Variants in NFIA observed in about 807,000 individuals in gnomAD.
NFIA encodes the protein nuclear factor 1 A-type.
Under a neutral mutation model 62.8 loss-of-function variants are expected in NFIA, and 8 were observed. The ratio of observed to expected loss-of-function variants is 0.13; its 90% confidence interval spans 0.07 to 0.23. The LOEUF (loss-of-function observed/expected upper bound fraction) is 0.23, where lower values mean the gene tolerates loss of function less well. NFIA is among the 10% of genes least tolerant of loss of function. NFIA has a pLI of 1.00. For missense variants in NFIA, 410 were observed against 642.1 expected (o/e 0.64, Z 3.91); for synonymous variants, 235 against 238.1 (o/e 0.99, Z 0.12).
At chr1:61,422,882 T>C (rs1321285703) in intron 9 of NFIA, among the ~76,000 whole-genome samples, 1 of 152,096 alleles carries the variant, frequency 6.6e-6, no homozygotes, top group Non-Finnish European at 1.5e-5. Flanking sequence ...TGTCAAACTA[T>C]TGTTCATAAA....
intron 3 of NFIA, among the ~76,000 whole-genome samples, chr1:61,308,587 A>G (rs986824300): frequency 2.6e-5 from 4 of 152,182 alleles, no homozygotes; most frequent in African/African-American, 9.7e-5. Flanking sequence ...TGGTACAGTG[A>G]GGATGGTGCC....
At chr1:61,294,849 G>A (rs1190577970) in intron 3 of NFIA, among the ~76,000 whole-genome samples, 4 of 152,182 alleles carry the variant, frequency 2.6e-5, no homozygotes, top group East Asian at 1.9e-4. Flanking sequence ...AGTGCTGTCC[G>A]TATTCAGTGG....
At chr1:61,346,861 A>T (rs1356075800) in intron 4 of NFIA, among the ~76,000 whole-genome samples, 1 of 152,152 alleles carries the variant, frequency 6.6e-6, no homozygotes, top group Non-Finnish European at 1.5e-5. Context: ...ACTTATAATC[A>T]TGGCAGAAGG....
At chr1:61,270,727 A>G (rs1004255571) in intron 2 of NFIA, among the ~76,000 whole-genome samples, 2 of 152,202 alleles carry the variant, frequency 1.3e-5, no homozygotes, top group African/African-American at 2.4e-5. Context: ...GGGGAAATTA[A>G]GCACAATTCT....
At chr1:61,080,830 A>G (rs1311141879), upstream of NFIA, among the ~76,000 whole-genome samples, 1 of 152,262 alleles carries the variant, frequency 6.6e-6, no homozygotes, top group East Asian at 1.9e-4. Context: ...TAAAGTAACT[A>G]AAGTACAAGC....
At chr1:61,207,015 T>G (rs1652940604) in intron 2 of NFIA, among the ~76,000 whole-genome samples, 1 of 152,152 alleles carries the variant, frequency 6.6e-6, no homozygotes, top group Non-Finnish European at 1.5e-5. Flanking sequence ...CAGATAGATG[T>G]CAACTCCATG....
intron 2 of NFIA, among the ~76,000 whole-genome samples, chr1:61,203,682 G>C (rs1321256302): frequency 6.6e-6 from 1 of 152,080 alleles, no homozygotes. Flanking sequence ...CGTTGTAGTT[G>C]TTTGTGTGTA....
intron 10 of NFIA, among the ~76,000 whole-genome samples, chr1:61,446,254 T>C (rs1169270271): frequency 1.3e-5 from 2 of 152,198 alleles, no homozygotes; most frequent in Non-Finnish European, 2.9e-5. Context: ...TGCCACAGTT[T>C]CCTTTGCATT....
intron 5 of NFIA, among the ~76,000 whole-genome samples, chr1:61,357,267 A>G (rs2100439273): frequency 6.6e-6 from 1 of 152,288 alleles, no homozygotes; most frequent in Non-Finnish European, 1.5e-5. Flanking sequence ...GAGCATACCA[A>G]TTAGAACAGA....
intron 2 of NFIA, among the ~76,000 whole-genome samples, chr1:61,104,329 T>A (rs1226317003): frequency 6.6e-6 from 1 of 152,024 alleles, no homozygotes; most frequent in Non-Finnish European, 1.5e-5. Context: ...TCAGGGTGTT[T>A]TTGGCATGGT....
At chr1:61,173,166 C>T (rs1650079537) in intron 2 of NFIA, among the ~76,000 whole-genome samples, 1 of 152,182 alleles carries the variant, frequency 6.6e-6, no homozygotes, top group Non-Finnish European at 1.5e-5. Flanking sequence ...TTTTGATACC[C>T]TTGGAAAGTT....
At chr1:61,219,572 G>A (rs1484576494) in intron 2 of NFIA, among the ~76,000 whole-genome samples, 1 of 151,918 alleles carries the variant, frequency 6.6e-6, no homozygotes, top group Non-Finnish European at 1.5e-5. Context: ...AAATTAGCCG[G>A]GCGTGGTGGC....
At chr1:61,452,932 C>G (rs1380284696) in intron 10 of NFIA, among the ~76,000 whole-genome samples, 1 of 151,580 alleles carries the variant, frequency 6.6e-6, no homozygotes, top group Non-Finnish European at 1.5e-5. Flanking sequence ...GTCAATAGGG[C>G]AAAAAGAAAA....
chr1:61,082,566 TA>T lies in NFIA; in HGVS notation c.-223del. On this transcript the variant is annotated 5_prime_UTR_variant, in exon 1 of 11. Transcript: ENST00000403491. ...AGTGTAGGGAAACTCTAGGCGGGGT[TA>T]AAGTTCAGCTCATGGAGCGGCAATA... 6.8e-7 allele frequency: 1 copy of T among 1,460,078 alleles called. No homozygotes were observed. Among genetic ancestry groups the T allele is most frequent in the East Asian group, 2.6e-5 (1 of 38,932 alleles). The allele number at this position is 1,460,078 out of a possible 1,614,324, so 90.4% of individuals were successfully genotyped here.
intron 7 of NFIA, among the ~76,000 whole-genome samples, chr1:61,399,050 T>C (rs1445222046): frequency 6.6e-6 from 1 of 152,226 alleles, no homozygotes; most frequent in Non-Finnish European, 1.5e-5. Context: ...AAATTTTTAC[T>C]TCTAATTATG....
At chr1:61,199,695 A>G (rs1393006274) in intron 2 of NFIA, among the ~76,000 whole-genome samples, 1 of 151,890 alleles carries the variant, frequency 6.6e-6, no homozygotes, top group Admixed American at 6.6e-5. Flanking sequence ...TTGGTGATGT[A>G]TTAAAAAAAG....
chr1:61,186,181 G>A (rs1651165379), intron 2 of NFIA, among the ~76,000 whole-genome samples: 1 of 151,916 alleles, frequency 6.6e-6, no homozygotes, highest in Non-Finnish European at 1.5e-5. Context: ...GAGCACACTG[G>A]TTGGGAGAAG....
chr1:61,450,847 A>G (rs1203269379), intron 10 of NFIA, among the ~76,000 whole-genome samples: 1 of 152,184 alleles, frequency 6.6e-6, no homozygotes, highest in African/African-American at 2.4e-5. Context: ...GTTAAAGTAA[A>G]ATACAAAATA....
At chr1:61,142,936 C>T (rs1248911793) in intron 2 of NFIA, among the ~76,000 whole-genome samples, 2 of 152,112 alleles carry the variant, frequency 1.3e-5, no homozygotes, top group African/African-American at 4.8e-5. Context: ...CGAGGAGAAC[C>T]GCTTGTGTGG....
Sources: gnomAD v4.1 joint callset for allele counts (sites outside exome capture counted in the v4.1 genomes callset) on GRCh38, gnomAD v4.1.1 for gene constraint, MANE v1.5 for transcripts, NCBI Gene and HGNC (gene_info 2026-07-23, HGNC 2026-07-21) for gene names.